The following CTIF variants were observed in gnomAD, a reference collection of about 807,000 sequenced individuals.
The protein encoded by CTIF is CBP80/20-dependent translation initiation factor.
CTIF carries 21 observed loss-of-function variants against 66.0 expected under a neutral mutation model. That is an observed-to-expected ratio of 0.32 (90% CI 0.23 to 0.46). The LOEUF is 0.46. Among genes scored for constraint, CTIF ranks in the 20% least tolerant of loss-of-function variants. CTIF has a pLI of 1.00. For synonymous variants in CTIF, 345 were observed against 326.4 expected (o/e 1.06, Z -0.62); for missense variants, 739 against 812.7 (o/e 0.91, Z 1.10).
intron 6 of CTIF, among the ~76,000 whole-genome samples, chr18:48,683,948 G>T (rs1427903651): frequency 6.6e-6 from 1 of 152,218 alleles, no homozygotes; most frequent in Non-Finnish European, 1.5e-5. Context: ...CTGGCCACTA[G>T]TTCTATGTTG....
intron 2 of CTIF, among the ~76,000 whole-genome samples, chr18:48,621,117 A>G (rs1411961804): frequency 6.6e-6 from 1 of 151,974 alleles, no homozygotes; most frequent in Non-Finnish European, 1.5e-5. Context: ...CTATTCTAGG[A>G]CTCGTATCTA....
chr18:48,705,000 C>T (rs897050987), intron 6 of CTIF, among the ~76,000 whole-genome samples: 1 of 152,220 alleles, frequency 6.6e-6, no homozygotes, highest in Non-Finnish European at 1.5e-5. Context: ...ATGCTGACCA[C>T]CTCGGCTGGC....
intron 1 of CTIF, among the ~76,000 whole-genome samples, chr18:48,618,133 T>G (rs2090430512): frequency 6.6e-6 from 1 of 152,190 alleles, no homozygotes; most frequent in Admixed American, 6.5e-5. Context: ...CACCATTCCT[T>G]GCCCTGCTTT....
chr18:48,660,907 C>G (rs1222557241), intron 3 of CTIF, among the ~76,000 whole-genome samples: 2 of 152,242 alleles, frequency 1.3e-5, no homozygotes, highest in Non-Finnish European at 2.9e-5. Flanking sequence ...CTCTCTCTTT[C>G]TATCTCTCCA....
intron 10 of CTIF, among the ~76,000 whole-genome samples, chr18:48,829,170 G>T (rs578231369): frequency 6.6e-6 from 1 of 152,306 alleles, no homozygotes; most frequent in Admixed American, 6.5e-5. Flanking sequence ...GGTACAAGAT[G>T]TATATGTACA....
intron 1 of CTIF, among the ~76,000 whole-genome samples, chr18:48,548,247 A>C (rs1049414671): frequency 6.6e-6 from 1 of 152,172 alleles, no homozygotes; most frequent in Non-Finnish European, 1.5e-5. Flanking sequence ...TGGGGTAGGC[A>C]GTATCATGAT....
intron 9 of CTIF, among the ~76,000 whole-genome samples, chr18:48,806,500 C>T (rs1430385183): frequency 6.6e-6 from 1 of 152,198 alleles, no homozygotes; most frequent in African/African-American, 2.4e-5. Context: ...GCAAATTTCC[C>T]TAGGCCATTC....
chr18:48,543,528 G>A (rs544056633), intron 1 of CTIF, among the ~76,000 whole-genome samples: 74 of 152,130 alleles, frequency 4.9e-4, no homozygotes, highest in Non-Finnish European at 9.3e-4. Context: ...TGTTAGCACC[G>A]TGCTCTCAGC....
intron 3 of CTIF, among the ~76,000 whole-genome samples, chr18:48,658,062 G>T (rs567979859): frequency 1.3e-5 from 2 of 152,292 alleles, no homozygotes; most frequent in African/African-American, 4.8e-5. Context: ...CTGCCTTCCT[G>T]CTTCTCTGAC....
intron 6 of CTIF, chr18:48,688,447 A>T (rs2091878111): frequency 6.6e-6 from 1 of 152,330 alleles, no homozygotes; most frequent in African/African-American, 2.4e-5. Flanking sequence ...GAGAGAACAC[A>T]GAAGACTTAG....
chr18:48,685,988 A>G (rs1244693178), intron 6 of CTIF, among the ~76,000 whole-genome samples: 1 of 152,076 alleles, frequency 6.6e-6, no homozygotes, highest in Admixed American at 6.6e-5. Context: ...CCAAGTTACT[A>G]TTTTTCTCTT....
At chr18:48,798,517 TGTTAA>T (rs2067979379) in intron 9 of CTIF, among the ~76,000 whole-genome samples, 1 of 152,206 alleles carries the variant, frequency 6.6e-6, no homozygotes, top group African/African-American at 2.4e-5. Flanking sequence ...ACTGAGTGTG[TGTTAA>T]GTTAGCACAG....
chr18:48,723,984 A>G (rs1193347019), intron 7 of CTIF, among the ~76,000 whole-genome samples: 1 of 152,230 alleles, frequency 6.6e-6, no homozygotes, highest in Non-Finnish European at 1.5e-5. Context: ...TCAAGTTCCC[A>G]GAGGCGATGC....
intron 1 of CTIF, among the ~76,000 whole-genome samples, chr18:48,595,906 G>C (rs559456360): frequency 6.6e-6 from 1 of 152,292 alleles, no homozygotes; most frequent in Non-Finnish European, 1.5e-5. Context: ...CTGTTGGACT[G>C]AGTTGTCCAC....
intron 1 of CTIF, among the ~76,000 whole-genome samples, chr18:48,606,929 G>C (rs2090212310): frequency 6.6e-6 from 1 of 152,124 alleles, no homozygotes. Flanking sequence ...ACAGGGGCCG[G>C]CACATACTAA....
At chr18:48,566,781 A>T (rs933629732) in intron 1 of CTIF, 3 of 152,204 alleles carry the variant, frequency 2.0e-5, no homozygotes, top group African/African-American at 7.2e-5. Flanking sequence ...AAGGCTGTGG[A>T]AACCCCTTTG....
At chr18:48,795,895 C>A (rs1284483465) in intron 9 of CTIF, among the ~76,000 whole-genome samples, 1 of 152,174 alleles carries the variant, frequency 6.6e-6, no homozygotes, top group African/African-American at 2.4e-5. Flanking sequence ...CCACCTGGCA[C>A]CCACAGCTCT....
At chr18:48,785,790 T>C (rs887165128) in intron 9 of CTIF, among the ~76,000 whole-genome samples, 14 of 152,094 alleles carry the variant, frequency 9.2e-5, no homozygotes, top group East Asian at 7.7e-4. Context: ...CTGGGGAGAT[T>C]TGGAAAATGC....
rs1599183598 is a variant in CTIF at position 48,860,456 on chromosome 18, G to T, written c.*897G>T. 6.3e-6 allele frequency: 1 copy of T among 157,588 alleles called. No homozygotes were observed. The highest frequency in any genetic ancestry group is 6.1e-5 in the Admixed American group (1 of 16,438). 9.8% of individuals were successfully genotyped at this position (157,588 alleles called of 1,614,324 possible). On this transcript the variant is annotated 3_prime_UTR_variant, in exon 12 of 12. Coordinates refer to ENST00000256413, the MANE Select transcript of CTIF (RefSeq NM_014772.3). ...TAATTGGAAACTTCTGCCCCGGCGG[G>T]GGGTCCCCGCTGGAATCCTGTGTTC...
Sources: allele counts gnomAD v4.1 joint callset (sites outside exome capture counted in the v4.1 genomes callset), GRCh38; gene constraint gnomAD v4.1.1; transcripts MANE v1.5; gene names NCBI Gene and HGNC (gene_info 2026-07-23, HGNC 2026-07-21).